CNTNAP2: variants seen among roughly 807,000 people sequenced by gnomAD.
CNTNAP2 encodes contactin-associated protein-like 2.
In CNTNAP2, 98 loss-of-function variants were observed where a neutral mutation model predicts 155.2. That is an observed-to-expected ratio of 0.63 (90% CI 0.54 to 0.75). CNTNAP2 has a LOEUF of 0.75. CNTNAP2 is among the 30% of genes least tolerant of loss of function. The pLI is 0.00. For synonymous variants in CNTNAP2, 651 were observed against 631.2 expected (o/e 1.03, Z -0.47); for missense variants, 1,727 against 1,688.1 (o/e 1.02, Z -0.40).
intron 1 of CNTNAP2, among the ~76,000 whole-genome samples, chr7:146,301,420 C>A (rs573771755): frequency 1.3e-5 from 2 of 151,898 alleles, no homozygotes; most frequent in South Asian, 2.1e-4. Flanking sequence ...GTCAGGAGAT[C>A]GAGACCATCA....
chr7:147,217,260 C>T lies in CNTNAP2; in HGVS notation c.1349-82881C>T, dbSNP rs531254369. On this transcript the variant is annotated intron_variant, in intron 8 of 23. Coordinates refer to ENST00000361727, the MANE Select transcript of CNTNAP2 (RefSeq NM_014141.6). ...AGAGGGAAAGCTTCTAGTTTCTTAC[C>T]ATTAAGTATGATGTTGGCTGTAGAT... 4.8e-4 allele frequency among the ~76,000 whole-genome samples: 73 copies of T among 151,998 alleles called. 2 individuals are homozygous for T. In the South Asian group the frequency reaches 0.015, roughly 31 times the overall value.
intron 4 of CNTNAP2, among the ~76,000 whole-genome samples, chr7:147,077,780 T>C (rs1220507337): frequency 6.6e-6 from 1 of 152,140 alleles, no homozygotes; most frequent in African/African-American, 2.4e-5. Context: ...ACCCTCATAA[T>C]AGGGTGATTA....
At chr7:148,334,751 G>A (rs2116569190) in intron 21 of CNTNAP2, among the ~76,000 whole-genome samples, 1 of 152,346 alleles carries the variant, frequency 6.6e-6, no homozygotes, top group African/African-American at 2.4e-5. Context: ...ATTAGCAAGT[G>A]CTTTGTACCA....
At chr7:146,171,926 A>C (rs1798397354) in intron 1 of CNTNAP2, among the ~76,000 whole-genome samples, 1 of 151,924 alleles carries the variant, frequency 6.6e-6, no homozygotes, top group Admixed American at 6.6e-5. Flanking sequence ...TTAGAAACTA[A>C]ATAAATTATA....
At chr7:146,302,411 A>C (rs1204559297) in intron 1 of CNTNAP2, among the ~76,000 whole-genome samples, 1 of 152,148 alleles carries the variant, frequency 6.6e-6, no homozygotes, top group African/African-American at 2.4e-5. Context: ...CAAAAATCTT[A>C]AGTGCCTATT....
chr7:148,413,392 C>CA (rs1184055556), intron 23 of CNTNAP2, among the ~76,000 whole-genome samples: 126 of 1,642 alleles, frequency 0.077, 28 homozygotes, highest in South Asian at 0.12. Context: ...AACTCCGTCT[C>CA]AAAAAAAAAA....
chr7:146,660,614 C>T (rs12234818), intron 1 of CNTNAP2, among the ~76,000 whole-genome samples: 37,644 of 152,088 alleles, frequency 0.25, 5,066 homozygotes, highest in East Asian at 0.47. Flanking sequence ...AGAGATAATG[C>T]GTATAACACT....
intron 12 of CNTNAP2, among the ~76,000 whole-genome samples, chr7:147,567,963 G>A (rs1013978180): frequency 6.6e-6 from 1 of 152,134 alleles, no homozygotes; most frequent in African/African-American, 2.4e-5. Context: ...GCGCACACCT[G>A]TAGTCCCAGC....
chr7:146,792,598 A>G (rs967553327), intron 2 of CNTNAP2, among the ~76,000 whole-genome samples: 1 of 152,226 alleles, frequency 6.6e-6, no homozygotes, highest in African/African-American at 2.4e-5. Context: ...ATAAGCATGC[A>G]TTGAGCTAAG....
At chr7:148,382,863 G>A (rs1470277681) in intron 21 of CNTNAP2, among the ~76,000 whole-genome samples, 1 of 152,228 alleles carries the variant, frequency 6.6e-6, no homozygotes, top group Non-Finnish European at 1.5e-5. Flanking sequence ...GTTTCTGTTA[G>A]TTTCTAAAAC....
Position 148,268,389 on chromosome 7 carries a change from C to T in CNTNAP2, c.3475+1263C>T, listed in dbSNP as rs768927363. 1.2e-4 allele frequency among the ~76,000 whole-genome samples: 18 copies of T among 152,174 alleles called. 1 individual carries two copies. The Middle Eastern group carries it at 0.024, about 201-fold the overall frequency. On this transcript the variant is annotated intron_variant, in intron 21 of 23. Coordinates refer to ENST00000361727, the MANE Select transcript of CNTNAP2 (RefSeq NM_014141.6). ...AAATAATAGACTGGGCGTGGCGGCT[C>T]ATGTCTGTAATCCCAGCACTTTGGG...
intron 5 of CNTNAP2, 120 bp downstream of exon 5, chr7:147,108,470 C>T (rs1361955305): frequency 1.2e-6 from 1 of 861,994 alleles, no homozygotes; most frequent in Non-Finnish European, 1.7e-6. Flanking sequence ...TATTTCAATT[C>T]ATACTTAATC....
chr7:147,502,735 GTGTGTGTA>G (rs3052508), intron 11 of CNTNAP2, among the ~76,000 whole-genome samples: 24,086 of 139,770 alleles, frequency 0.17, 2,007 homozygotes, highest in East Asian at 0.28. Flanking sequence ...GTGTGTGTGT[GTGTGTGTA>G]TATATATATA....
chr7:148,237,217 C>T (rs1192690834), intron 20 of CNTNAP2, among the ~76,000 whole-genome samples: 7 of 152,176 alleles, frequency 4.6e-5, no homozygotes, highest in Non-Finnish European at 1.5e-5. Flanking sequence ...AACAAAAAAT[C>T]AGAGGCTTAA....
At chr7:148,059,045 C>A (rs965690362) in intron 15 of CNTNAP2, among the ~76,000 whole-genome samples, 2 of 151,768 alleles carry the variant, frequency 1.3e-5, no homozygotes, top group Non-Finnish European at 2.9e-5. Context: ...TTTTGGGAGG[C>A]CAAGGTAGGC....
intron 13 of CNTNAP2, among the ~76,000 whole-genome samples, chr7:147,781,264 C>T (rs1797657606): frequency 6.6e-6 from 1 of 152,182 alleles, no homozygotes; most frequent in East Asian, 1.9e-4. Flanking sequence ...ATCAAGTTAG[C>T]AGTAGACTGT....
chr7:148,214,242 C>T (rs1795599024), intron 18 of CNTNAP2, among the ~76,000 whole-genome samples: 1 of 152,192 alleles, frequency 6.6e-6, no homozygotes, highest in Non-Finnish European at 1.5e-5. Context: ...TTGTCAGCAC[C>T]CAGCATCGTG....
chr7:147,062,897 G>A (rs893349677), intron 4 of CNTNAP2, among the ~76,000 whole-genome samples: 3 of 152,098 alleles, frequency 2.0e-5, no homozygotes, highest in Non-Finnish European at 4.4e-5. Context: ...AGAGAAATAA[G>A]CATTTTCCAG....
At chr7:146,833,754 T>C (rs955898177) in intron 2 of CNTNAP2, among the ~76,000 whole-genome samples, 63 of 152,304 alleles carry the variant, frequency 4.1e-4, no homozygotes, top group African/African-American at 1.5e-3. Flanking sequence ...ATTACCAATA[T>C]TCCGTAGTAG....
Sources: gnomAD v4.1 joint callset for allele counts (sites outside exome capture counted in the v4.1 genomes callset) on GRCh38, gnomAD v4.1.1 for gene constraint, MANE v1.5 for transcripts, NCBI Gene and HGNC (gene_info 2026-07-23, HGNC 2026-07-21) for gene names.